Variants in EP400 observed in about 807,000 individuals in gnomAD.
The protein encoded by EP400 is E1A-binding protein p400.
In EP400, 105 loss-of-function variants were observed where a neutral mutation model predicts 354.1. That is an observed-to-expected ratio of 0.30 (90% confidence interval 0.25 to 0.35). EP400 has a LOEUF of 0.35. EP400 is among the 10% of genes least tolerant of loss of function. EP400 has a pLI of 1.00. For synonymous variants in EP400, 1,646 were observed against 1,716.9 expected, an observed-to-expected ratio of 0.96 and a Z score of 1.02; for missense variants, 3,280 against 4,121.0, an observed-to-expected ratio of 0.80 and a Z score of 5.59.
chr12:131,968,977 T>C (rs925714254), intron 2 of EP400, among the ~76,000 whole-genome samples: 12 of 152,124 alleles, frequency 7.9e-5, no homozygotes, highest in Non-Finnish European at 1.8e-4. Context: ...ACATAGAGAA[T>C]CATGTCTGCA....
At position 132,005,060 on chromosome 12, in the gene EP400, C is replaced by T; in HGVS notation, c.2828-17C>T. On this transcript the variant is annotated splice_polypyrimidine_tract_variant and intron_variant, in intron 12 of 52. Transcript: ENST00000389561. ...TTGTTATAAAGTAACAGCCCTTCTGCCCGCAACCCTCTGCAGCTGAGCTGC... is the reference window on the plus strand; with the variant it reads ...TTGTTATAAAGTAACAGCCCTTCTGTCCGCAACCCTCTGCAGCTGAGCTGC... The T allele has an allele frequency of 1.9e-6, 3 of 1,555,718 alleles. No homozygotes were observed. Among genetic ancestry groups the T allele is most frequent in the Non-Finnish European group, 2.6e-6 (3 of 1,146,224 alleles).
intron 2 of EP400, among the ~76,000 whole-genome samples, chr12:131,977,488 G>A (rs536204292): frequency 6.6e-6 from 1 of 151,774 alleles, no homozygotes; most frequent in African/African-American, 2.4e-5. Flanking sequence ...TACTGGACAC[G>A]GAGCCCTTTA....
intron 2 of EP400, among the ~76,000 whole-genome samples, chr12:131,966,519 C>A (rs187186418): frequency 1.4e-5 from 2 of 142,756 alleles, no homozygotes; most frequent in South Asian, 4.4e-4. Context: ...GCTGAGACAG[C>A]GCCACTGCAC....
At position 132,062,281 on chromosome 12, in the gene EP400, G is replaced by T. The variant is rs765171771; in HGVS notation, c.8056G>T (p.Val2686Leu). 1.1e-5 allele frequency: 17 copies of T among 1,614,112 alleles called. No individual in the cohort carries two copies. Among genetic ancestry groups the T allele is most frequent in the Non-Finnish European group, 1.4e-5 (16 of 1,180,052 alleles). ...CGTGGTCACTACCAACCTGACCCCA[G>T]TGCAGACCCCGGCACGGTCTTTGGT... ...SAVVTTNLTP[V>L]QTPARSLVPQ... The change falls in exon 46 of 53, where the codon GTG becomes TTG. Residue 2686 changes from valine (V) to leucine (L), a missense_variant. Around this residue, in one of 20 missense-constraint regions of EP400, gnomAD observed 255 missense variants for 295.9 expected, o/e 0.86. Transcript: ENST00000389561.
At position 132,038,256 on chromosome 12, in the gene EP400, T is replaced by G. The variant is rs908458362; in HGVS notation, c.6207+160T>G. Among the ~76,000 whole-genome samples the G allele has an allele frequency of 6.6e-6, 1 of 152,158 alleles. No homozygotes were observed. Among genetic ancestry groups the G allele is most frequent in the African/African-American group, 2.4e-5 (1 of 41,436 alleles). On this transcript the variant is annotated intron_variant, in intron 32 of 52. Coordinates refer to ENST00000389561, the MANE Select transcript of EP400 (RefSeq NM_015409.5). The surrounding 1 kb of genome is among the most constrained non-coding windows in gnomAD (Gnocchi z 4.2). ...GAACCTCCCCACTCCCTTCTTTCTG[T>G]CATGGGGATTTTGAACTGTAAATAC...
At chr12:131,995,103 C>G in intron 12 of EP400, 147 bp downstream of exon 12, 1 of 712,166 alleles carries the variant, frequency 1.4e-6, no homozygotes, top group South Asian at 1.8e-5. Context: ...GCTGCTCTCT[C>G]TCCTGACCTG....
chr12:132,046,603 G>A (rs1244204381), intron 39 of EP400, among the ~76,000 whole-genome samples: 1 of 152,176 alleles, frequency 6.6e-6, no homozygotes, highest in African/African-American at 2.4e-5. Context: ...CATGTAAGAA[G>A]TCAGCTGTGT....
intron 5 of EP400, among the ~76,000 whole-genome samples, chr12:131,985,990 G>T (rs1440280304): frequency 1.3e-5 from 2 of 152,062 alleles, no homozygotes; most frequent in Non-Finnish European, 2.9e-5. Flanking sequence ...TTTATATTTT[G>T]TTGAGATAGG....
At chr12:132,064,966 G>C (rs747809631) in intron 48 of EP400, 80 bp downstream of exon 48, 15 of 1,513,666 alleles carry the variant, frequency 9.9e-6, no homozygotes, top group Non-Finnish European at 1.1e-5. Context: ...GCTCAGGTGC[G>C]TGTCACGTGT....
Position 132,077,864 on chromosome 12 carries a change from C to A in EP400, c.*191C>A. On this transcript the variant is annotated 3_prime_UTR_variant, in exon 53 of 53. Coordinates refer to ENST00000389561, the MANE Select transcript of EP400 (RefSeq NM_015409.5). ...AGGACAAATGGTCCTTATGGAGTGC[C>A]GCGTTCTCTGTACTACGTGGCTCAT... 1 of 774,134 alleles carries A rather than the reference C, an allele frequency of 1.3e-6. No individual in the cohort carries two copies. The highest frequency in any genetic ancestry group is 2.0e-6 in the Non-Finnish European group (1 of 500,822). The allele number at this position is 774,134 out of a possible 1,614,324, so 48.0% of individuals were successfully genotyped here. A position where few individuals can be genotyped will look rare whatever the true frequency, so the allele number is the denominator to read the frequency against.
chr12:132,029,268 T>C lies in EP400; in HGVS notation c.5382-433T>C, dbSNP rs532551427. 3.3e-4 allele frequency: 59 copies of C among 179,182 alleles called. No homozygotes were observed. Among genetic ancestry groups the C allele is most frequent in the Non-Finnish European group, 6.5e-4 (55 of 85,126 alleles). The allele number at this position is 179,182 out of a possible 1,614,324, so 11.1% of individuals were successfully genotyped here. A position where few individuals can be genotyped will look rare whatever the true frequency, so the allele number is the denominator to read the frequency against. ...GGTTGGCTGTGCGATCTTCGCTCTA[T>C]TGTCATTGTCCTGAAGGCTCCTTCA... On this transcript the variant is annotated intron_variant, in intron 27 of 52. Coordinates refer to ENST00000389561, the MANE Select transcript of EP400 (RefSeq NM_015409.5). This position sits in a 1 kb window ranked among gnomAD's most constrained non-coding sequence, Gnocchi z 4.7.
rs192799609 is a variant in EP400 at position 132,052,936 on chromosome 12, G to A, written c.7395-210G>A. ...CTTTTCCTGGAGAGTGGGAGAGCTC[G>A]GCCTCAAGGAAGAGGACTCAGCGCC... On this transcript the variant is annotated intron_variant, in intron 41 of 52. Coordinates refer to ENST00000389561, the MANE Select transcript of EP400 (RefSeq NM_015409.5). This position sits in a 1 kb window ranked among gnomAD's most constrained non-coding sequence, Gnocchi z 4.4. 1.6e-4 allele frequency among the ~76,000 whole-genome samples: 24 copies of A among 152,140 alleles called. 1 individual carries two copies. The East Asian group carries it at 3.5e-3, about 22-fold the overall frequency.
chr12:132,068,972 C>A (rs1452835540), intron 50 of EP400: 2 of 153,188 alleles, frequency 1.3e-5, no homozygotes, highest in African/African-American at 4.8e-5. Context: ...GACAAAACAT[C>A]CTTAGATGTT....
chr12:131,990,110 T>C lies in EP400; in HGVS notation c.2550+6T>C, dbSNP rs1330475995. 2 of 1,598,232 alleles carry C rather than the reference T, an allele frequency of 1.3e-6. No individual in the cohort carries two copies. The highest frequency in any genetic ancestry group is 1.7e-6 in the Non-Finnish European group (2 of 1,174,404). On this transcript the variant is annotated splice_donor_region_variant and intron_variant, in intron 8 of 52. Transcript: ENST00000389561. The surrounding 1 kb of genome is among the most constrained non-coding windows in gnomAD (Gnocchi z 4.2). ...TTTGGTCGAATATTGAACAGGCGAG[T>C]GCTGCCGTTGTCATGGGGTCGTAAG...
Position 132,070,903 on chromosome 12 carries a change from G to T in EP400, c.9021+1262G>T, listed in dbSNP as rs1427243629. On this transcript the variant is annotated intron_variant, in intron 51 of 52. Coordinates refer to ENST00000389561, the MANE Select transcript of EP400 (RefSeq NM_015409.5). This position sits in a 1 kb window ranked among gnomAD's most constrained non-coding sequence, Gnocchi z 4.1. ...TGTACATTAGTTTTTTATTCTGGCC[G>T]CCTTGCTAGATTCTGGTTATTTGAA... Among the ~76,000 whole-genome samples the T allele has an allele frequency of 6.6e-6, 1 of 152,030 alleles. No homozygotes were observed. The highest frequency in any genetic ancestry group is 1.5e-5 in the Non-Finnish European group (1 of 68,016).
chr12:131,965,451 G>T (rs1417775966), intron 2 of EP400, among the ~76,000 whole-genome samples: 1 of 152,164 alleles, frequency 6.6e-6, no homozygotes, highest in African/African-American at 2.4e-5. Context: ...TCAGTAGGCT[G>T]TAATATATCA....
At position 132,052,479 on chromosome 12, in the gene EP400, C is replaced by T. The variant is rs965002873; in HGVS notation, c.7395-667C>T. On this transcript the variant is annotated intron_variant, in intron 41 of 52. Coordinates refer to ENST00000389561, the MANE Select transcript of EP400 (RefSeq NM_015409.5). This position sits in a 1 kb window ranked among gnomAD's most constrained non-coding sequence, Gnocchi z 4.4. ...CCCCAGCCCTTCACTTAACTGCCCT[C>T]GTGAGATGTTTTCAGAGCGCACTGT... Among the ~76,000 whole-genome samples the T allele has an allele frequency of 6.6e-6, 1 of 152,220 alleles. No homozygotes were observed. The highest frequency in any genetic ancestry group is 1.5e-5 in the Non-Finnish European group (1 of 68,046).
At chr12:132,057,495 G>A (rs560373911) in intron 45 of EP400, among the ~76,000 whole-genome samples, 58 of 152,346 alleles carry the variant, frequency 3.8e-4, no homozygotes, top group African/African-American at 1.3e-3. Context: ...ACTACGGAGA[G>A]GAATTCGAGA....
rs574248173 is a variant in EP400, at chr12:131,972,191, C to T, written c.1336-7503C>T. Among the ~76,000 whole-genome samples, 719 of 150,688 alleles carry T rather than the reference C, an allele frequency of 4.8e-3. 5 individuals carry two copies. Among genetic ancestry groups the T allele is most frequent in the Non-Finnish European group, 7.0e-3 (474 of 67,732 alleles). ...TTTTTTAAACAGAGTCTCGCTCTGT[C>T]GCCCAGGCTGGAGTGCAGTGGCGCG... is the stretch of plus-strand genomic sequence containing the variant. On this transcript the variant is annotated intron_variant, in intron 2 of 52. Coordinates refer to ENST00000389561, the MANE Select transcript of EP400 (RefSeq NM_015409.5).
Sources: gnomAD v4.1 joint callset for allele counts (sites outside exome capture counted in the v4.1 genomes callset) on GRCh38, gnomAD v4.1.1 for gene constraint, gnomAD v4.1.1 regional missense constraint, Gnocchi (gnomAD v3.1) non-coding constraint, MANE v1.5 for transcripts, NCBI Gene and HGNC (gene_info 2026-07-23, HGNC 2026-07-21) for gene names.